Variants in OSGIN1 observed in about 807,000 individuals in gnomAD.
OSGIN1 encodes oxidative stress induced growth inhibitor 1.
In OSGIN1, 19 loss-of-function variants were observed where a neutral mutation model predicts 20.1. The ratio of observed to expected loss-of-function variants is 0.95; its 90% CI spans 0.66 to 1.39. The LOEUF (loss-of-function observed/expected upper bound fraction) is 1.39, where lower values mean the gene tolerates loss of function less well. OSGIN1 is among the 40% of genes most tolerant of loss of function. The probability of loss-of-function intolerance (pLI) is 0.00; values close to 1 mark genes in which losing one functional copy is unlikely to be tolerated. For missense variants in OSGIN1, 820 were observed against 653.0 expected (o/e 1.26, Z -2.79); for synonymous variants, 368 against 297.8 (o/e 1.24, Z -2.43).
At chr16:83,962,644 G>T (rs893346987) in intron 5 of OSGIN1, among the ~76,000 whole-genome samples, 1 of 152,226 alleles carries the variant, frequency 6.6e-6, no homozygotes, top group African/African-American at 2.4e-5. Context: ...CAGCCTGGCT[G>T]TATACGTTAG....
At chr16:83,955,256 G>T (rs1296387871) in intron 1 of OSGIN1, among the ~76,000 whole-genome samples, 1 of 152,174 alleles carries the variant, frequency 6.6e-6, no homozygotes, top group African/African-American at 2.4e-5. Flanking sequence ...GTTCTCCAAG[G>T]CCTCTGGGTA....
chr16:83,955,043 C>T (rs757777092), intron 1 of OSGIN1, among the ~76,000 whole-genome samples: 4 of 152,154 alleles, frequency 2.6e-5, no homozygotes, highest in Non-Finnish European at 5.9e-5. Flanking sequence ...CACGGCTTCA[C>T]CTCTCCTAGC....
intron 5 of OSGIN1, 72 bp from the exon 6 acceptor site, chr16:83,964,990 C>A (rs2084258070): frequency 2.1e-6 from 2 of 948,088 alleles, no homozygotes; most frequent in Non-Finnish European, 3.2e-6. Context: ...CTGCCCTGGA[C>A]ATCTCCCGTC....
Position 83,965,466 on chromosome 16 carries a change from C to G in OSGIN1, c.893C>G (p.Ala298Gly). The G allele has an allele frequency of 6.2e-7, 1 of 1,603,084 alleles. No individual in the cohort carries two copies. The highest frequency in any genetic ancestry group is 8.5e-7 in the Non-Finnish European group (1 of 1,178,092). Residue 298 changes from alanine to glycine, a missense_variant, in exon 6 of 6, where the codon GCC becomes GGC. Ala to Gly is a moderately conservative substitution (Grantham distance 60). Transcript: ENST00000393306. ...VLIIGAGLSA[A>G]DAVLYARHYN... Reference sequence around the variant, plus strand: ...ATCATTGGCGCGGGGCTGTCAGCGGCCGACGCGGTCCTCTACGCCCGCCAC... The same window carrying G: ...ATCATTGGCGCGGGGCTGTCAGCGGGCGACGCGGTCCTCTACGCCCGCCAC...
At chr16:83,956,889 C>G (rs538438093) in intron 1 of OSGIN1, 1 of 152,238 alleles carries the variant, frequency 6.6e-6, no homozygotes, top group Non-Finnish European at 1.5e-5. Flanking sequence ...GCTCTAGGAC[C>G]AGCACTTGGG....
At chr16:83,958,414 A>G (rs2151076109) in intron 2 of OSGIN1, among the ~76,000 whole-genome samples, 1 of 152,308 alleles carries the variant, frequency 6.6e-6, no homozygotes, top group East Asian at 1.9e-4. Flanking sequence ...TGCCCACATG[A>G]GAGGACACAC....
At chr16:83,964,220 C>T (rs1265571962) in intron 5 of OSGIN1, among the ~76,000 whole-genome samples, 2 of 152,156 alleles carry the variant, frequency 1.3e-5, no homozygotes, top group African/African-American at 4.8e-5. Flanking sequence ...ATGAGAATCA[C>T]CTGAGCCCGG....
At chr16:83,958,155 G>T (rs1028231416) in intron 2 of OSGIN1, among the ~76,000 whole-genome samples, 1 of 152,222 alleles carries the variant, frequency 6.6e-6, no homozygotes, top group African/African-American at 2.4e-5. Context: ...GGGATTATAG[G>T]TGTGAACCAC....
rs369018666 is a variant in OSGIN1, at chr16:83,965,281, G to T, written c.708G>T (p.Ser236=). ...GGAACCAGGCCCAGCAGCCCTTCTC[G>T]CTGTGGGCCCGCAACGTGGTCCTCG... ...LTRNQAQQPF[S]LWARNVVLAT... The change falls in exon 6 of 6, where the codon TCG becomes TCT. Residue 236 remains serine, a synonymous_variant. Coordinates refer to ENST00000393306, the MANE Select transcript of OSGIN1 (RefSeq NM_182981.3). The T allele has an allele frequency of 1.2e-6, 2 of 1,604,872 alleles. No homozygotes were observed. Among genetic ancestry groups the T allele is most frequent in the African/African-American group, 2.7e-5 (2 of 74,888 alleles).
chr16:83,957,197 AC>A (rs1567654852), intron 1 of OSGIN1: 1 of 161,620 alleles, frequency 6.2e-6, no homozygotes, highest in Non-Finnish European at 1.4e-5. Context: ...ATAGGAAGCA[AC>A]GTGCCAGGGC....
intron 1 of OSGIN1, among the ~76,000 whole-genome samples, chr16:83,956,230 C>T (rs1390046974): frequency 6.6e-6 from 1 of 152,208 alleles, no homozygotes; most frequent in Non-Finnish European, 1.5e-5. Context: ...TCGGGACCTG[C>T]CTGGAGGTGG....
intron 5 of OSGIN1, among the ~76,000 whole-genome samples, chr16:83,964,472 T>TC (rs1283448000): frequency 6.6e-6 from 1 of 151,970 alleles, no homozygotes; most frequent in Non-Finnish European, 1.5e-5. Context: ...CTGATCAGGA[T>TC]CCCATTCCCC....
chr16:83,961,112 T>A (rs370352191), intron 5 of OSGIN1, 40 bp downstream of exon 5: 1 of 1,519,882 alleles, frequency 6.6e-7, no homozygotes, highest in Non-Finnish European at 9.1e-7. Flanking sequence ...CACGGAAGGT[T>A]GGGCCTGTGA....
chr16:83,953,665 A>G (rs1908795644), intron 1 of OSGIN1, among the ~76,000 whole-genome samples: 1 of 152,212 alleles, frequency 6.6e-6, no homozygotes, highest in African/African-American at 2.4e-5. Context: ...CGCTCCTAGC[A>G]GGAAAGAGGG....
At chr16:83,959,606 G>A (rs1909108159) in intron 3 of OSGIN1, among the ~76,000 whole-genome samples, 1 of 152,198 alleles carries the variant, frequency 6.6e-6, no homozygotes, top group Non-Finnish European at 1.5e-5. Flanking sequence ...TATGCCCTAG[G>A]CCGGTTGTTC....
intron 4 of OSGIN1, 91 bp downstream of exon 4, chr16:83,960,851 A>C: frequency 6.7e-7 from 1 of 1,493,442 alleles, no homozygotes; most frequent in Non-Finnish European, 9.2e-7. Context: ...CCCTTTCCTC[A>C]TTCTCCACCC....
Position 83,953,373 on chromosome 16 carries a change from G to C in OSGIN1, c.-33+3G>C. The C allele has an allele frequency of 1.6e-6, 2 of 1,288,742 alleles. No homozygotes were observed. Among genetic ancestry groups the C allele is most frequent in the Non-Finnish European group, 2.0e-6 (2 of 988,454 alleles). 79.8% of individuals were successfully genotyped at this position (1,288,742 alleles called of 1,614,324 possible). A position where few individuals can be genotyped will look rare whatever the true frequency, so the allele number is the denominator to read the frequency against. On this transcript the variant is annotated splice_donor_region_variant and intron_variant, in intron 1 of 5. Coordinates refer to ENST00000393306, the MANE Select transcript of OSGIN1 (RefSeq NM_182981.3). ...GCTCCTGCACCACTGCCTGTCAGGT[G>C]AGTGTCCGGGGCCAGGTTCCGGGGC...
rs538500996 is a variant in OSGIN1, at chr16:83,960,863, G to A, written c.396+103G>A. The A allele has an allele frequency of 1.5e-4, 219 of 1,481,466 alleles. No homozygotes were observed. In the African/African-American group the frequency reaches 2.1e-3, roughly 14 times the overall value. 91.8% of individuals were successfully genotyped at this position (1,481,466 alleles called of 1,614,324 possible). A position where few individuals can be genotyped will look rare whatever the true frequency, so the allele number is the denominator to read the frequency against. On this transcript the variant is annotated intron_variant, in intron 4 of 5. Transcript: ENST00000393306. ...TCTCCCTTTCCTCATTCTCCACCCCGCAACCCTGCCTCTCCCTCCTCCCTC... is the reference window on the plus strand; with the variant it reads ...TCTCCCTTTCCTCATTCTCCACCCCACAACCCTGCCTCTCCCTCCTCCCTC...
In OSGIN1 at chr16:83,965,234, C is replaced by G; in HGVS notation, c.661C>G (p.Gln221Glu). The G allele has an allele frequency of 6.2e-7, 1 of 1,612,614 alleles. No individual in the cohort carries two copies. Among genetic ancestry groups the G allele is most frequent in the Non-Finnish European group, 8.5e-7 (1 of 1,179,784 alleles). ...CGAQDSSPLF[Q>E]VSGFLTRNQA... ...GGCCCAGGACTCCAGCCCCCTCTTC[C>G]AGGTGAGCGGCTTCCTGACCAGGAA... The change falls in exon 6 of 6, where the codon CAG becomes GAG. Residue 221 changes from glutamine to glutamate, a missense_variant. Transcript: ENST00000393306.
Sources: gnomAD v4.1 joint callset for allele counts (sites outside exome capture counted in the v4.1 genomes callset) on GRCh38, gnomAD v4.1.1 for gene constraint, MANE v1.5 for transcripts, NCBI Gene and HGNC (gene_info 2026-07-23, HGNC 2026-07-21) for gene names.